Variants in PLEKHG7 observed in about 807,000 individuals in gnomAD.
PLEKHG7 encodes pleckstrin homology domain-containing family G member 7.
A neutral mutation model predicts 85.2 loss-of-function variants in PLEKHG7; 77 were observed. The ratio of observed to expected loss-of-function variants is 0.90; its 90% CI spans 0.75 to 1.09. The LOEUF (loss-of-function observed/expected upper bound fraction) is 1.09, where lower values mean the gene tolerates loss of function less well. Ranked by LOEUF, PLEKHG7 falls within the 50% of genes least tolerant of loss-of-function variation. The pLI is 0.00. For synonymous variants in PLEKHG7, 301 were observed against 302.4 expected (o/e 1.00, Z 0.05); for missense variants, 777 against 804.3 (o/e 0.97, Z 0.41).
chr12:92,736,816 G>A (rs1350471945), intron 6 of PLEKHG7, among the ~76,000 whole-genome samples: 2 of 152,142 alleles, frequency 1.3e-5, no homozygotes, highest in African/African-American at 4.8e-5. Context: ...CATAGGCCAG[G>A]AAGCCTCTAC....
intron 5 of PLEKHG7, among the ~76,000 whole-genome samples, chr12:92,735,601 A>T (rs1872121868): frequency 6.6e-6 from 1 of 152,236 alleles, no homozygotes; most frequent in Non-Finnish European, 1.5e-5. Context: ...AGCCTTGCAC[A>T]TTGTTATTTG....
At chr12:92,722,501 G>A (rs1023139535) in intron 3 of PLEKHG7, among the ~76,000 whole-genome samples, 8 of 152,122 alleles carry the variant, frequency 5.3e-5, no homozygotes, top group African/African-American at 1.9e-4. Flanking sequence ...AGCATTAGTG[G>A]GTTTTGAACA....
chr12:92,712,163 A>G (rs1332035595), intron 3 of PLEKHG7, among the ~76,000 whole-genome samples: 1 of 152,194 alleles, frequency 6.6e-6, no homozygotes, highest in East Asian at 1.9e-4. Flanking sequence ...TGCTCACTGG[A>G]TCCAATCAGC....
At chr12:92,758,739 T>A (rs1024504613) in intron 13 of PLEKHG7, among the ~76,000 whole-genome samples, 1 of 152,190 alleles carries the variant, frequency 6.6e-6, no homozygotes, top group African/African-American at 2.4e-5. Flanking sequence ...TCAAATTCCA[T>A]CAGAGATGGA....
At chr12:92,740,095 A>G (rs902662218) in intron 7 of PLEKHG7, among the ~76,000 whole-genome samples, 11 of 152,354 alleles carry the variant, frequency 7.2e-5, no homozygotes, top group African/African-American at 2.6e-4. Flanking sequence ...TAGGAATTGG[A>G]GAAGGTTATC....
chr12:92,754,997 AT>A (rs570231589), intron 11 of PLEKHG7, among the ~76,000 whole-genome samples: 1 of 152,192 alleles, frequency 6.6e-6, no homozygotes, highest in Non-Finnish European at 1.5e-5. Context: ...CTGTTTTTAA[AT>A]TTTTTATTCA....
At chr12:92,714,408 A>G (rs1336312685) in intron 3 of PLEKHG7, among the ~76,000 whole-genome samples, 1 of 152,162 alleles carries the variant, frequency 6.6e-6, no homozygotes, top group African/African-American at 2.4e-5. Flanking sequence ...TCCAAGTTGC[A>G]GGGTCTCATT....
At chr12:92,765,259 G>T (rs1873158470) in intron 15 of PLEKHG7, among the ~76,000 whole-genome samples, 2 of 151,572 alleles carry the variant, frequency 1.3e-5, no homozygotes, top group Non-Finnish European at 2.9e-5. Flanking sequence ...GGCCAACATG[G>T]TAGGATTGCT....
rs1388459133 is a variant in PLEKHG7 at position 92,727,170 on chromosome 12, G to T, written c.531-1823G>T. On this transcript the variant is annotated intron_variant, in intron 3 of 16. Transcript: ENST00000344636. ...CCTCCCAGTCCTTCCTAACAGAGTGGCAGCAGGCAGCTCGCAGCCATTCTG... is the reference window on the plus strand; with the variant it reads ...CCTCCCAGTCCTTCCTAACAGAGTGTCAGCAGGCAGCTCGCAGCCATTCTG... 2.6e-5 allele frequency among the ~76,000 whole-genome samples: 4 copies of T among 152,286 alleles called. No individual in the cohort carries two copies. The South Asian group carries it at 8.3e-4, about 32-fold the overall frequency.
At chr12:92,745,444 T>C (rs1447873096) in intron 9 of PLEKHG7, 34 bp from the exon 10 acceptor site, 14 of 1,408,498 alleles carry the variant, frequency 9.9e-6, no homozygotes, top group Middle Eastern at 1.8e-4. Flanking sequence ...CCTTAACTTG[T>C]GTTCATCCTC....
At chr12:92,726,907 C>G (rs1182610547) in intron 3 of PLEKHG7, among the ~76,000 whole-genome samples, 1 of 152,170 alleles carries the variant, frequency 6.6e-6, no homozygotes, top group Non-Finnish European at 1.5e-5. Flanking sequence ...ATCGGGGAAC[C>G]ATGATCACCC....
rs575336317 is a variant in PLEKHG7 at position 92,737,279 on chromosome 12, G to A, written c.796-99G>A. On this transcript the variant is annotated intron_variant, in intron 6 of 16. Transcript: ENST00000344636. ...GAAGCAGGAAATCATGATTTCGGGG[G>A]TTGCTTGGTCCTTTGGAACTGCAAG... The A allele has an allele frequency of 1.0e-4, 110 of 1,071,832 alleles. No individual in the cohort carries two copies. The African/African-American group carries it at 1.6e-3, about 15-fold the overall frequency. The allele number at this position is 1,071,832 out of a possible 1,614,324, so 66.4% of individuals were successfully genotyped here. A position where few individuals can be genotyped will look rare whatever the true frequency, so the allele number is the denominator to read the frequency against.
At chr12:92,716,076 G>A (rs867365350) in intron 3 of PLEKHG7, among the ~76,000 whole-genome samples, 15 of 151,216 alleles carry the variant, frequency 9.9e-5, no homozygotes, top group Middle Eastern at 3.4e-3. Flanking sequence ...AGTGGTTTTG[G>A]GGTTTTTTTG....
chr12:92,761,798 C>A lies in PLEKHG7; in HGVS notation c.1683C>A (p.Phe561Leu). ...TTTATCTGTTTCTCTTCAATGATTT[C>A]CTCTTAGTTACGAAAACTAAGTGCA... is the stretch of plus-strand genomic sequence containing the variant. ...LDVYLFLFND[F>L]LLVTKTKCNK... is the part of the protein sequence containing the mutation. Residue 561 changes from phenylalanine (F) to leucine (L), a missense_variant, in exon 14 of 17, where the codon TTC (phenylalanine) becomes TTA (leucine). Phe to Leu is a conservative substitution (Grantham distance 22). Coordinates refer to ENST00000344636, the MANE Select transcript of PLEKHG7 (RefSeq NM_001377329.1). The A allele has an allele frequency of 6.3e-7, 1 of 1,577,654 alleles. No homozygotes were observed. Among genetic ancestry groups the A allele is most frequent in the African/African-American group, 1.4e-5 (1 of 72,398 alleles).
rs1555196570 is a variant in PLEKHG7, at chr12:92,761,635, A to AAAGAAGAAAGAAAGAAAGG, written c.1637-112_1637-111insGAAAGAAAGAAAGGAAGAA. On this transcript the variant is annotated intron_variant, in intron 13 of 16. Transcript: ENST00000344636. ...AGAAAGAAAGAAAGAAGAAAGAAAG[A>AAAGAAGAAAGAAAGAAAGG]AAGAAAGAAAGAAAGAAAGAAAGAA... The AAAGAAGAAAGAAAGAAAGG allele has an allele frequency of 2.4e-4, 71 of 293,074 alleles. No individual in the cohort carries two copies. The African/African-American group carries it at 2.9e-3, about 12-fold the overall frequency. The allele number at this position is 293,074 out of a possible 1,614,324, so 18.2% of individuals were successfully genotyped here.
intron 14 of PLEKHG7, among the ~76,000 whole-genome samples, chr12:92,762,775 G>A (rs1873076488): frequency 1.3e-5 from 2 of 152,154 alleles, no homozygotes; most frequent in South Asian, 4.1e-4. Context: ...ATAAGATCAT[G>A]AGACTAGCTA....
At chr12:92,750,106 T>C (rs1374962136) in intron 10 of PLEKHG7, among the ~76,000 whole-genome samples, 3 of 151,584 alleles carry the variant, frequency 2.0e-5, no homozygotes, top group East Asian at 1.9e-4. Context: ...CATGGCTCAC[T>C]GCAGCCTCAA....
intron 15 of PLEKHG7, among the ~76,000 whole-genome samples, chr12:92,767,238 A>T (rs565047208): frequency 6.6e-6 from 1 of 152,346 alleles, no homozygotes; most frequent in South Asian, 2.1e-4. Context: ...AAAAAGAGCT[A>T]TTCTTGCCTG....
chr12:92,738,210 G>A (rs943153464), intron 7 of PLEKHG7, among the ~76,000 whole-genome samples: 2 of 152,142 alleles, frequency 1.3e-5, no homozygotes, highest in Non-Finnish European at 2.9e-5. Context: ...CCCTATGGTC[G>A]CAGCCATGCT....
Sources: allele counts gnomAD v4.1 joint callset (sites outside exome capture counted in the v4.1 genomes callset), GRCh38; gene constraint gnomAD v4.1.1; transcripts MANE v1.5; gene names NCBI Gene and HGNC (gene_info 2026-07-23, HGNC 2026-07-21).